The following CERS3 variants were observed in gnomAD, a reference collection of about 807,000 sequenced individuals.
CERS3 encodes ceramide synthase 3.
In CERS3, 33 loss-of-function variants were observed where a neutral mutation model predicts 50.3. That is an observed-to-expected ratio of 0.66 (90% CI 0.50 to 0.88). The LOEUF (loss-of-function observed/expected upper bound fraction) is 0.88. CERS3 is among the 40% of genes least tolerant of loss of function. The pLI is 0.00. For missense variants in CERS3, 470 were observed against 460.3 expected (o/e 1.02, Z -0.19); for synonymous variants, 176 against 155.2 (o/e 1.13, Z -0.99).
chr15:100,403,125 A>G (rs2030687998), intron 11 of CERS3, among the ~76,000 whole-genome samples: 1 of 152,244 alleles, frequency 6.6e-6, no homozygotes. Context: ...GGAAATTTCA[A>G]AACACTTAGA....
chr15:100,542,210 G>C lies in CERS3; in HGVS notation c.-355+2441C>G, dbSNP rs116774308. ...AATAATGAAACCCCTTCAGCCTCAG[G>C]AATGAACTATTATCAAGATCCTAAG... On this transcript the variant is annotated intron_variant, in intron 1 of 12. Transcript: ENST00000284382. 4.2e-3 allele frequency among the ~76,000 whole-genome samples: 640 copies of C among 152,164 alleles called. 7 individuals carry two copies. The highest frequency in any genetic ancestry group is 0.014 in the African/African-American group (588 of 41,482).
At chr15:100,482,144 G>A (rs926475873) in intron 5 of CERS3, among the ~76,000 whole-genome samples, 1 of 152,218 alleles carries the variant, frequency 6.6e-6, no homozygotes, top group African/African-American at 2.4e-5. Context: ...GCACTTCACT[G>A]AAAAGATGAA....
At chr15:100,425,464 C>T (rs2032751996) in intron 11 of CERS3, among the ~76,000 whole-genome samples, 1 of 137,340 alleles carries the variant, frequency 7.3e-6, no homozygotes, top group Non-Finnish European at 1.6e-5. Flanking sequence ...TATTTTGTAG[C>T]TATAAGATTT....
At chr15:100,532,501 C>T (rs754882040), upstream of CERS3, among the ~76,000 whole-genome samples, 4 of 152,126 alleles carry the variant, frequency 2.6e-5, no homozygotes, top group South Asian at 2.1e-4. Flanking sequence ...TGCGATGGCT[C>T]ATGCCTGTAA....
At position 100,414,823 on chromosome 15, in the gene CERS3, A is replaced by AAAAAC. The variant is rs992744898; in HGVS notation, c.1000-11959_1000-11958insGTTTT. Among the ~76,000 whole-genome samples the AAAAAC allele has an allele frequency of 1.3e-3, 196 of 151,306 alleles. 1 individual carries two copies. The East Asian group carries it at 0.031, about 24-fold the overall frequency. On this transcript the variant is annotated intron_variant, in intron 11 of 11. Transcript: ENST00000679737. ...AAATGTAAAACCCAAAATGATTAAA[A>AAAAAC]AAAAAAAACCCTGGAAGAAAACCTG... is the stretch of plus-strand genomic sequence containing the variant.
chr15:100,496,419 T>A (rs2035816825), intron 3 of CERS3, among the ~76,000 whole-genome samples: 1 of 152,054 alleles, frequency 6.6e-6, no homozygotes, highest in Non-Finnish European at 1.5e-5. Flanking sequence ...ATGAAAGAAG[T>A]CGAACACAAA....
intron 11 of CERS3, among the ~76,000 whole-genome samples, chr15:100,412,262 C>G (rs556833169): frequency 3.2e-4 from 49 of 152,202 alleles, no homozygotes; most frequent in African/African-American, 8.9e-4. Context: ...AGGTAAGGGT[C>G]CAACTTCATT....
chr15:100,479,488 GAAA>G lies in CERS3; in HGVS notation c.466-13_466-11del. On this transcript the variant is annotated splice_polypyrimidine_tract_variant and intron_variant, in intron 6 of 11. Coordinates refer to ENST00000679737, the MANE Select transcript of CERS3 (RefSeq NM_001378789.1). ...CATATAGCCAAGGTTTCTGAAAGAA[GAAA>G]AAAAAAAAGAGCCAACAGATGAGAA... The G allele has an allele frequency of 8.3e-7, 1 of 1,211,424 alleles. No individual in the cohort carries two copies. The highest frequency in any genetic ancestry group is 1.1e-6 in the Non-Finnish European group (1 of 899,870). 75.0% of individuals were successfully genotyped at this position (1,211,424 alleles called of 1,614,324 possible).
intron 2 of CERS3, among the ~76,000 whole-genome samples, chr15:100,519,997 G>A (rs565759374): frequency 2.7e-4 from 41 of 152,280 alleles, no homozygotes; most frequent in African/African-American, 8.9e-4. Flanking sequence ...TAGGTTCAAG[G>A]AGACATGTAC....
chr15:100,451,252 TA>T (rs2034153326), intron 11 of CERS3, among the ~76,000 whole-genome samples: 1 of 151,650 alleles, frequency 6.6e-6, no homozygotes, highest in Non-Finnish European at 1.5e-5. Context: ...AACTAGAAAT[TA>T]ATTAATAAAA....
intron 10 of CERS3, among the ~76,000 whole-genome samples, chr15:100,457,341 C>T (rs111689759): frequency 4.8e-4 from 73 of 152,290 alleles, no homozygotes; most frequent in African/African-American, 1.8e-3. Context: ...CCTTTATTGC[C>T]ACACCCTCCT....
intron 11 of CERS3, among the ~76,000 whole-genome samples, chr15:100,418,613 C>G (rs888032876): frequency 9.2e-5 from 13 of 140,802 alleles, no homozygotes; most frequent in Admixed American, 6.6e-4. Context: ...AAGAGCAACT[C>G]CAAGACACAT....
At chr15:100,408,209 G>C (rs1349327609) in intron 11 of CERS3, among the ~76,000 whole-genome samples, 1 of 152,190 alleles carries the variant, frequency 6.6e-6, no homozygotes, top group Non-Finnish European at 1.5e-5. Context: ...TCAGATTTTG[G>C]TATGTGTGGG....
chr15:100,491,530 A>C (rs144979757), intron 3 of CERS3, among the ~76,000 whole-genome samples: 49 of 152,272 alleles, frequency 3.2e-4, no homozygotes, highest in African/African-American at 1.1e-3. Context: ...CAGCCTTGGC[A>C]ATTCTACTGG....
At chr15:100,473,386 G>GA (rs893790688) in intron 8 of CERS3, among the ~76,000 whole-genome samples, 1 of 150,458 alleles carries the variant, frequency 6.6e-6, no homozygotes, top group East Asian at 2.0e-4. Flanking sequence ...TCCCCAAAAA[G>GA]AAAAAAAAGA....
At chr15:100,421,544 A>C (rs1003396540) in intron 11 of CERS3, among the ~76,000 whole-genome samples, 2 of 150,904 alleles carry the variant, frequency 1.3e-5, no homozygotes, top group African/African-American at 4.9e-5. Flanking sequence ...ATCCCCATCA[A>C]GCTACCAATG....
chr15:100,503,845 C>A, intron 2 of CERS3: 1 of 435,212 alleles, frequency 2.3e-6, no homozygotes, highest in South Asian at 1.6e-5. Context: ...GGGAATAACG[C>A]CATCTGTGGG....
At chr15:100,511,268 G>C (rs968206625) in intron 2 of CERS3, among the ~76,000 whole-genome samples, 1 of 152,192 alleles carries the variant, frequency 6.6e-6, no homozygotes, top group African/African-American at 2.4e-5. Flanking sequence ...CAGGCTGCGT[G>C]ACAGAGCAAG....
chr15:100,501,489 G>C (rs1171793552), intron 3 of CERS3, among the ~76,000 whole-genome samples, 188 bp downstream of exon 3: 1 of 152,106 alleles, frequency 6.6e-6, no homozygotes, highest in Non-Finnish European at 1.5e-5. Flanking sequence ...CTAATTTTTT[G>C]TTGTTCAGCC....
Sources: gnomAD v4.1 joint callset for allele counts (sites outside exome capture counted in the v4.1 genomes callset) on GRCh38, gnomAD v4.1.1 for gene constraint, MANE v1.5 for transcripts, NCBI Gene and HGNC (gene_info 2026-07-23, HGNC 2026-07-21) for gene names.